Variants in DEPDC5 observed in about 807,000 individuals in gnomAD.
The protein encoded by DEPDC5 is GATOR1 complex protein DEPDC5.
Under a neutral mutation model 217.3 loss-of-function variants are expected in DEPDC5, and 73 were observed. That is an observed-to-expected ratio of 0.34 (90% CI 0.28 to 0.41). DEPDC5 has a LOEUF of 0.41. DEPDC5 is among the 10% of genes least tolerant of loss of function. DEPDC5 has a pLI of 1.00. For missense variants in DEPDC5, 1,675 were observed against 2,070.1 expected (o/e 0.81, Z 3.70); for synonymous variants, 733 against 756.7 (o/e 0.97, Z 0.51).
chr22:31,777,988 T>C (rs1379588700), intron 7 of DEPDC5, 111 bp from the exon 8 acceptor site: 3 of 1,176,300 alleles, frequency 2.6e-6, no homozygotes, highest in Non-Finnish European at 3.8e-6. Flanking sequence ...CCTCAGGTAA[T>C]TCGCCCGCCT....
rs761285561 is a variant in DEPDC5, at chr22:31,768,871, T to C, written c.413+8T>C. 1.1e-5 allele frequency: 17 copies of C among 1,613,750 alleles called. No homozygotes were observed. The highest frequency in any genetic ancestry group is 1.4e-5 in the Non-Finnish European group (16 of 1,179,794). On this transcript the variant is annotated splice_region_variant and intron_variant, in intron 7 of 42. Coordinates refer to ENST00000651528, the MANE Select transcript of DEPDC5 (RefSeq NM_001242896.3). ...GGAGTTTGCTGGCATCAGGTAGATA[T>C]TACATCACTCTTGCCTTATCTGTGC...
intron 33 of DEPDC5, among the ~76,000 whole-genome samples, chr22:31,868,716 C>G (rs557009330): frequency 2.4e-4 from 37 of 152,164 alleles, no homozygotes; most frequent in Non-Finnish European, 1.5e-5. Context: ...CGTGAGCCAC[C>G]GCACCCAGCT....
intron 36 of DEPDC5, 172 bp from the exon 37 acceptor site, chr22:31,875,985 G>A (rs886355268): frequency 7.1e-6 from 4 of 564,102 alleles, no homozygotes; most frequent in East Asian, 5.7e-5. Context: ...ATGATGATAC[G>A]AGTTTACATT....
chr22:31,906,618 C>A lies in DEPDC5; in HGVS notation c.*121C>A. 1 of 1,267,296 alleles carries A rather than the reference C, an allele frequency of 7.9e-7. No homozygotes were observed. The highest frequency in any genetic ancestry group is 1.1e-6 in the Non-Finnish European group (1 of 916,426). 78.5% of individuals were successfully genotyped at this position (1,267,296 alleles called of 1,614,324 possible). On this transcript the variant is annotated 3_prime_UTR_variant, in exon 43 of 43. Transcript: ENST00000651528. The surrounding 1 kb of genome is among the most constrained non-coding windows in gnomAD (Gnocchi z 5.1). ...GTTTGCTGCTATCAGTGAGTGGGGG[C>A]CATTGTTTTTTGTTTGTTTGTTTGT...
intron 24 of DEPDC5, among the ~76,000 whole-genome samples, chr22:31,828,217 A>G (rs144631349): frequency 0.034 from 5,239 of 152,190 alleles, 146 homozygotes; most frequent in African/African-American, 0.073. Context: ...TTGGGAGGCC[A>G]AGGCGGGCGG....
chr22:31,822,575 G>T, intron 23 of DEPDC5, 118 bp from the exon 24 acceptor site: 2 of 912,644 alleles, frequency 2.2e-6, no homozygotes, highest in Non-Finnish European at 3.4e-6. Context: ...AGCTTGAGTT[G>T]GCTGAATATT....
intron 10 of DEPDC5, among the ~76,000 whole-genome samples, chr22:31,788,827 T>C (rs989006642): frequency 2.0e-5 from 3 of 152,000 alleles, no homozygotes; most frequent in Non-Finnish European, 4.4e-5. Context: ...CCGCCCGCCT[T>C]GGCCTCCCAA....
At chr22:31,893,204 T>C (rs1253617072) in intron 38 of DEPDC5, among the ~76,000 whole-genome samples, 2 of 152,028 alleles carry the variant, frequency 1.3e-5, no homozygotes, top group Non-Finnish European at 2.9e-5. Flanking sequence ...TTTGGACAAA[T>C]GTATAGTGAC....
chr22:31,780,898 A>C (rs955227983), intron 8 of DEPDC5, among the ~76,000 whole-genome samples: 1 of 152,160 alleles, frequency 6.6e-6, no homozygotes, highest in African/African-American at 2.4e-5. Flanking sequence ...GGAGTGAAAT[A>C]TTAGATAGGC....
At chr22:31,806,023 C>T in intron 17 of DEPDC5, 99 bp from the exon 18 acceptor site, 2 of 958,348 alleles carry the variant, frequency 2.1e-6, no homozygotes, top group South Asian at 1.5e-5. Flanking sequence ...GAACAAAGCC[C>T]ATGTCAGGAG....
intron 33 of DEPDC5, among the ~76,000 whole-genome samples, chr22:31,865,553 G>A (rs533504469): frequency 6.6e-6 from 1 of 152,130 alleles, no homozygotes; most frequent in East Asian, 1.9e-4. Context: ...GGAGCGAGGG[G>A]TTAGGATGGA....
intron 7 of DEPDC5, among the ~76,000 whole-genome samples, chr22:31,770,408 T>C (rs1344799520): frequency 6.6e-6 from 1 of 151,150 alleles, no homozygotes; most frequent in Non-Finnish European, 1.5e-5. Context: ...TGAGACAGAG[T>C]CTTGCTCTGT....
chr22:31,791,158 C>T (rs542310538), intron 10 of DEPDC5, among the ~76,000 whole-genome samples: 148 of 152,232 alleles, frequency 9.7e-4, no homozygotes, highest in African/African-American at 3.4e-3. Flanking sequence ...TGCTGATTTG[C>T]AGTTTTCCAA....
chr22:31,837,377 G>T, intron 26 of DEPDC5: 2 of 569,452 alleles, frequency 3.5e-6, no homozygotes, highest in Non-Finnish European at 6.0e-6. Context: ...CTGAGAGAGG[G>T]TCTCACTCTG....
At chr22:31,836,777 A>G in intron 25 of DEPDC5, 195 bp from the exon 26 acceptor site, 1 of 595,684 alleles carries the variant, frequency 1.7e-6, no homozygotes, top group Non-Finnish European at 3.0e-6. Context: ...AAGCATGTGC[A>G]CTGCATTGTC....
At position 31,868,921 on chromosome 22, in the gene DEPDC5, C is replaced by T. The variant is rs576377666; in HGVS notation, c.3331-1669C>T. 2.2e-4 allele frequency among the ~76,000 whole-genome samples: 34 copies of T among 152,160 alleles called. 1 individual carries two copies. The highest frequency in any genetic ancestry group is 1.2e-3 in the South Asian group (6 of 4,830). ...TCTTTGATGCATGCTGCTGGGCTTC[C>T]GGGTGAACAGGTTATAATCCTGCCT... On this transcript the variant is annotated intron_variant, in intron 33 of 42. Transcript: ENST00000651528.
chr22:31,832,172 A>G (rs1462722606), intron 24 of DEPDC5, among the ~76,000 whole-genome samples: 1 of 152,218 alleles, frequency 6.6e-6, no homozygotes, highest in Non-Finnish European at 1.5e-5. Flanking sequence ...TCCTTCCCCC[A>G]GTTGAAAGAT....
At chr22:31,814,928 G>A in intron 20 of DEPDC5, 64 bp from the exon 21 acceptor site, 1 of 1,590,232 alleles carries the variant, frequency 6.3e-7, no homozygotes, top group Non-Finnish European at 8.6e-7. Context: ...ATGGGTTTTA[G>A]TTTTAACTCA....
At chr22:31,777,851 A>G (rs898238440) in intron 7 of DEPDC5, among the ~76,000 whole-genome samples, 3 of 152,024 alleles carry the variant, frequency 2.0e-5, no homozygotes, top group South Asian at 2.1e-4. Flanking sequence ...GACTTCAAGC[A>G]GTTCTCCTGC....
Sources: gnomAD v4.1 joint callset for allele counts (sites outside exome capture counted in the v4.1 genomes callset) on GRCh38, gnomAD v4.1.1 for gene constraint, Gnocchi (gnomAD v3.1) non-coding constraint, MANE v1.5 for transcripts, NCBI Gene and HGNC (gene_info 2026-07-23, HGNC 2026-07-21) for gene names.